PRH1: variants seen among roughly 807,000 people sequenced by gnomAD.
PRH1 encodes the protein salivary acidic proline-rich phosphoprotein 1/2.
A neutral mutation model predicts 7.9 loss-of-function variants in PRH1; 7 were observed. That is an observed-to-expected ratio of 0.89 (90% CI 0.50 to 1.67). The LOEUF (loss-of-function observed/expected upper bound fraction) is 1.67, where lower values mean the gene tolerates loss of function less well. Among genes scored for constraint, PRH1 ranks in the 40% most tolerant of loss-of-function variants. The pLI, the probability that PRH1 is intolerant of heterozygous loss-of-function variation, is 0.00. For synonymous variants in PRH1, 45 were observed against 80.8 expected, an observed-to-expected ratio of 0.56 and a Z score of 2.38; for missense variants, 109 against 223.6, an observed-to-expected ratio of 0.49 and a Z score of 3.27.
At chr12:11,123,775 C>A (rs1040368086) in intron 1 of PRH1, among the ~76,000 whole-genome samples, 1 of 152,154 alleles carries the variant, frequency 6.6e-6, no homozygotes, top group African/African-American at 2.4e-5. Context: ...CTAATTATCT[C>A]TTCTACTCCA....
At chr12:10,922,876 C>T (rs1338283491) in intron 2 of PRH1, among the ~76,000 whole-genome samples, 1 of 123,304 alleles carries the variant, frequency 8.1e-6, no homozygotes, top group South Asian at 3.2e-4. Context: ...GGCCGGACTG[C>T]GGACTGCAGT....
At chr12:11,150,692 G>T (rs1044443455) in intron 1 of PRH1, among the ~76,000 whole-genome samples, 1 of 152,086 alleles carries the variant, frequency 6.6e-6, no homozygotes, top group Non-Finnish European at 1.5e-5. Context: ...AAGGGGAAGG[G>T]ATAGCATTAG....
intron 1 of PRH1, among the ~76,000 whole-genome samples, chr12:11,139,334 CA>C (rs1271522896): frequency 2.0e-5 from 3 of 152,168 alleles, no homozygotes; most frequent in Non-Finnish European, 4.4e-5. Context: ...CAGATACTCC[CA>C]ATATACGTCT....
chr12:10,885,858 A>C (rs923841227), upstream of PRH1, among the ~76,000 whole-genome samples: 1 of 152,216 alleles, frequency 6.6e-6, no homozygotes, highest in African/African-American at 2.4e-5. Flanking sequence ...ACAGGTGTGC[A>C]TGAGTGGATC....
chr12:11,047,821 A>G (rs2136140341), upstream of PRH1, among the ~76,000 whole-genome samples: 1 of 152,344 alleles, frequency 6.6e-6, no homozygotes, highest in South Asian at 2.1e-4. Flanking sequence ...ATAAGAATTC[A>G]TAATGAAATA....
At chr12:10,951,466 CAT>C (rs1937664017) in intron 2 of PRH1, among the ~76,000 whole-genome samples, 1 of 152,146 alleles carries the variant, frequency 6.6e-6, no homozygotes, top group Non-Finnish European at 1.5e-5. Context: ...CTTGGGAAGA[CAT>C]ATACACCCAT....
chr12:10,997,654 A>C (rs1232009514), intron 1 of PRH1: 1 of 1,613,666 alleles, frequency 6.2e-7, no homozygotes, highest in East Asian at 2.2e-5. Context: ...AATTAGATGA[A>C]GTTGGATTCA....
intron 1 of PRH1, among the ~76,000 whole-genome samples, chr12:11,162,316 C>T (rs1317406236): frequency 6.6e-6 from 1 of 152,192 alleles, no homozygotes; most frequent in Admixed American, 6.5e-5. Flanking sequence ...CATTGTATTC[C>T]TCCTGTTTTC....
At chr12:10,953,083 A>T (rs1040315396) in intron 2 of PRH1, among the ~76,000 whole-genome samples, 9 of 152,132 alleles carry the variant, frequency 5.9e-5, no homozygotes, top group African/African-American at 2.2e-4. Context: ...TGGAATCCAC[A>T]GTGAAACCCC....
intron 1 of PRH1, among the ~76,000 whole-genome samples, chr12:10,975,160 C>A (rs939093479): frequency 1.3e-5 from 2 of 152,110 alleles, no homozygotes; most frequent in Non-Finnish European, 2.9e-5. Flanking sequence ...ATGCTAAAGT[C>A]AACTGGAAGA....
At chr12:11,153,453 G>C (rs74062448) in intron 1 of PRH1, among the ~76,000 whole-genome samples, 1 of 152,146 alleles carries the variant, frequency 6.6e-6, no homozygotes, top group Non-Finnish European at 1.5e-5. Context: ...AAAAGAAATA[G>C]GAACTTAAAA....
chr12:11,115,348 T>C (rs1044448733), intron 1 of PRH1, among the ~76,000 whole-genome samples: 30 of 152,150 alleles, frequency 2.0e-4, no homozygotes, highest in African/African-American at 7.2e-4. Context: ...CAAAATGATA[T>C]TGCAATTGTA....
chr12:11,004,401 G>A (rs1347294400), intron 1 of PRH1, among the ~76,000 whole-genome samples: 1 of 152,098 alleles, frequency 6.6e-6, no homozygotes, highest in African/African-American at 2.4e-5. Context: ...AGCTATTCAG[G>A]AGGCTGAGGC....
intron 1 of PRH1, among the ~76,000 whole-genome samples, chr12:10,978,182 G>A (rs1365424739): frequency 6.6e-6 from 1 of 151,760 alleles, no homozygotes; most frequent in Non-Finnish European, 1.5e-5. Context: ...CAAGGCAACA[G>A]TAACCAAAGC....
chr12:10,989,680 T>C (rs1015984173), intron 1 of PRH1, among the ~76,000 whole-genome samples: 6 of 152,214 alleles, frequency 3.9e-5, no homozygotes, highest in African/African-American at 1.4e-4. Context: ...ACTTCTATTA[T>C]TTATTATTCC....
At position 10,916,918 on chromosome 12, in the gene PRH1, A is replaced by G. The variant is rs1399872317; in HGVS notation, c.-58-32643T>C. Among the ~76,000 whole-genome samples, 4 of 150,782 alleles carry G rather than the reference A, an allele frequency of 2.7e-5. No homozygotes were observed. In the South Asian group the frequency reaches 8.5e-4, roughly 32 times the overall value. On this transcript the variant is annotated intron_variant, in intron 2 of 3. Transcript: ENST00000539853. ...ATAAAATAAAATAAAATAAAATAAA[A>G]TAAAAAAAATAGCTGGGCATGGTGG...
chr12:10,896,225 T>C (rs1363573865), intron 2 of PRH1, among the ~76,000 whole-genome samples: 3 of 152,178 alleles, frequency 2.0e-5, no homozygotes, highest in Admixed American at 6.6e-5. Context: ...CCTTTATAGT[T>C]TTACAATGCC....
At chr12:11,105,750 C>A (rs1945390109) in intron 1 of PRH1, among the ~76,000 whole-genome samples, 1 of 152,062 alleles carries the variant, frequency 6.6e-6, no homozygotes, top group South Asian at 2.1e-4. Flanking sequence ...GGTTGTATAA[C>A]CTGGTAAAGG....
At chr12:11,164,875 T>C (rs903427214) in intron 1 of PRH1, among the ~76,000 whole-genome samples, 3 of 152,140 alleles carry the variant, frequency 2.0e-5, no homozygotes, top group African/African-American at 7.2e-5. Flanking sequence ...AATCAAGATA[T>C]AGAACATTTC....
Sources: gnomAD v4.1 joint callset for allele counts (sites outside exome capture counted in the v4.1 genomes callset) on GRCh38, gnomAD v4.1.1 for gene constraint, MANE v1.5 for transcripts, NCBI Gene and HGNC (gene_info 2026-07-23, HGNC 2026-07-21) for gene names.